The following CDK12 variants were observed in gnomAD, a reference collection of about 807,000 sequenced individuals.
CDK12 encodes the protein cyclin dependent kinase 12, also known as cyclin-dependent kinase 12.
CDK12 carries 17 observed loss-of-function variants against 133.8 expected under a neutral mutation model. That is an observed-to-expected ratio of 0.13 (90% CI 0.09 to 0.19). The LOEUF (loss-of-function observed/expected upper bound fraction) is 0.19. Ranked by LOEUF, CDK12 falls within the 10% of genes least tolerant of loss-of-function variation. The probability of loss-of-function intolerance (pLI) is 1.00; values close to 1 mark genes in which losing one functional copy is unlikely to be tolerated. For missense variants in CDK12, 1,508 were observed against 1,818.7 expected, an observed-to-expected ratio of 0.83 and a Z score of 3.11; for synonymous variants, 694 against 683.6, an observed-to-expected ratio of 1.02 and a Z score of -0.24.
rs1243879998 is a variant in CDK12, at chr17:39,490,598, A to G, written c.1973A>G (p.Lys658Arg). The change falls in exon 3 of 14, where the codon AAG becomes AGG. Residue 658 changes from lysine (K) to arginine (R), a missense_variant. Lys to Arg is a conservative substitution (Grantham distance 26, BLOSUM62 2). This residue lies in a region of CDK12 where 347 missense variants were observed against 330.8 expected (regional missense o/e 1.05). Transcript: ENST00000447079. ...TLPSKPVKKEKEQRTRHLLTD... is the reference protein window; with the variant it reads ...TLPSKPVKKEREQRTRHLLTD... ...CCTTCAAAACCTGTGAAGAAAGAGA[A>G]GGAACAGAGGACACGTCACTTACTC... The G allele has an allele frequency of 1.9e-6, 3 of 1,613,430 alleles. No homozygotes were observed. The highest frequency in any genetic ancestry group is 1.7e-6 in the Non-Finnish European group (2 of 1,179,578).
At chr17:39,522,685 C>T (rs547845083) in intron 11 of CDK12, among the ~76,000 whole-genome samples, 1 of 152,252 alleles carries the variant, frequency 6.6e-6, no homozygotes, top group Non-Finnish European at 1.5e-5. Context: ...TCGCCTGCCT[C>T]GTCCTCCCAA....
downstream of CDK12, among the ~76,000 whole-genome samples, chr17:39,538,328 G>C (rs999868583): frequency 6.6e-6 from 1 of 152,200 alleles, no homozygotes; most frequent in Non-Finnish European, 1.5e-5. Flanking sequence ...AGATCCAAAT[G>C]ATGGCAGTGC....
chr17:39,564,268 G>A (rs1025027046), intron 3 of CDK12, among the ~76,000 whole-genome samples: 2 of 152,178 alleles, frequency 1.3e-5, no homozygotes, highest in African/African-American at 4.8e-5. Flanking sequence ...CAAATCAGAA[G>A]TTGAGGGTCA....
At position 39,471,277 on chromosome 17, in the gene CDK12, A is replaced by G. The variant is rs748777053; in HGVS notation, c.1445A>G (p.Lys482Arg). ...VKNSSDTGKV[K>R]LDENSEKHLV... ...AATTCTTCAGATACAGGGAAAGTAA[A>G]GTTGGATGAGAACTCCGAGAAGCAT... Residue 482 changes from lysine to arginine, a missense_variant, in exon 2 of 14, where the codon AAG becomes AGG. Coordinates refer to ENST00000447079, the MANE Select transcript of CDK12 (RefSeq NM_016507.4). The G allele has an allele frequency of 6.2e-7, 1 of 1,613,078 alleles. No individual in the cohort carries two copies. The highest frequency in any genetic ancestry group is 1.7e-5 in the Admixed American group (1 of 59,664).
chr17:39,548,127 G>T (rs2055801076), upstream of CDK12, among the ~76,000 whole-genome samples: 1 of 152,160 alleles, frequency 6.6e-6, no homozygotes, highest in Admixed American at 6.5e-5. Flanking sequence ...TAAAACTCAT[G>T]CCCCTTAGCA....
At chr17:39,565,104 C>A (rs938070645), downstream of CDK12, among the ~76,000 whole-genome samples, 18 of 152,060 alleles carry the variant, frequency 1.2e-4, no homozygotes, top group South Asian at 2.1e-4. Flanking sequence ...TCTCATATTT[C>A]TTTTGTTTGT....
At chr17:39,529,762 G>GTATGAA (rs1365062683) in intron 13 of CDK12, 3 of 152,166 alleles carry the variant, frequency 2.0e-5, no homozygotes, top group African/African-American at 7.2e-5. Context: ...ACAGAGTATA[G>GTATGAA]TATGAATTTA....
rs1004103781 is a variant in CDK12 at position 39,534,235 on chromosome 17, T to G, written c.*2919T>G. On this transcript the variant is annotated 3_prime_UTR_variant, in exon 14 of 14. Coordinates refer to ENST00000447079, the MANE Select transcript of CDK12 (RefSeq NM_016507.4). ...ACAAATTTGCAAGTAGAACTTCTAT[T>G]AGCTTATGCCATAGACATCACCCAA... is the stretch of plus-strand genomic sequence containing the variant. 9 of 232,974 alleles carry G rather than the reference T, an allele frequency of 3.9e-5. No homozygotes were observed. In the Admixed American group the frequency reaches 4.5e-4, roughly 12 times the overall value. 14.4% of individuals were successfully genotyped at this position (232,974 alleles called of 1,614,324 possible).
chr17:39,509,791 A>G (rs761636617), intron 7 of CDK12, 30 bp downstream of exon 7: 19 of 1,536,262 alleles, frequency 1.2e-5, no homozygotes, highest in Non-Finnish European at 1.7e-5. Flanking sequence ...TACATGTGGG[A>G]AATAAGGTTT....
chr17:39,512,554 T>C (rs903510700), intron 8 of CDK12, among the ~76,000 whole-genome samples: 2 of 152,220 alleles, frequency 1.3e-5, no homozygotes, highest in African/African-American at 4.8e-5. Context: ...CAGTTCTAAA[T>C]GAGCAGATTT....
chr17:39,495,237 C>G (rs1052789298), intron 5 of CDK12, among the ~76,000 whole-genome samples: 1 of 151,802 alleles, frequency 6.6e-6, no homozygotes, highest in Non-Finnish European at 1.5e-5. Flanking sequence ...GCCATCATTC[C>G]GGGCTTATTT....
In CDK12 at chr17:39,471,666, C is replaced by G; in HGVS notation, c.1834C>G (p.Gln612Glu). 1.2e-6 allele frequency: 2 copies of G among 1,614,084 alleles called. No individual in the cohort carries two copies. The highest frequency in any genetic ancestry group is 1.7e-6 in the Non-Finnish European group (2 of 1,179,940). Reference sequence around the variant, plus strand: ...CCCTGTACAGGTTTCTGTGAAGACTCAAGTATCTGTAACAGCTGCTATTCC... The same window carrying G: ...CCCTGTACAGGTTTCTGTGAAGACTGAAGTATCTGTAACAGCTGCTATTCC... ...QPPVQVSVKTQVSVTAAIPHL... is the reference protein window; with the variant it reads ...QPPVQVSVKTEVSVTAAIPHL... The change falls in exon 2 of 14, where the codon CAA (glutamine) becomes GAA (glutamate). Residue 612 changes from glutamine to glutamate, a missense_variant. Coordinates refer to ENST00000447079, the MANE Select transcript of CDK12 (RefSeq NM_016507.4).
intron 4 of CDK12, 45 bp downstream of exon 4, chr17:39,492,935 T>C (rs778847723): frequency 2.0e-6 from 3 of 1,486,516 alleles, no homozygotes; most frequent in East Asian, 2.3e-5. Context: ...GTTAACAATT[T>C]AGCAATACTA....
rs942526469 is a variant in CDK12 at position 39,532,672 on chromosome 17, C to A, written c.*1356C>A. The A allele has an allele frequency of 4.3e-6, 1 of 232,680 alleles. No homozygotes were observed. Among genetic ancestry groups the A allele is most frequent in the African/African-American group, 2.2e-5 (1 of 45,306 alleles). 14.4% of individuals were successfully genotyped at this position (232,680 alleles called of 1,614,324 possible). On this transcript the variant is annotated 3_prime_UTR_variant, in exon 14 of 14. Coordinates refer to ENST00000447079, the MANE Select transcript of CDK12 (RefSeq NM_016507.4). ...ATACCCACATCCCAGCATGTGTACCCTGCCAGTTCTTTTAGGGATTTTTCC... is the reference window on the plus strand; with the variant it reads ...ATACCCACATCCCAGCATGTGTACCATGCCAGTTCTTTTAGGGATTTTTCC...
In CDK12 at chr17:39,493,009, G is replaced by GT. The variant is rs147135481; in HGVS notation, c.2248+125dup. On this transcript the variant is annotated intron_variant, in intron 4 of 13. Coordinates refer to ENST00000447079, the MANE Select transcript of CDK12 (RefSeq NM_016507.4). The stretch of plus-strand genomic sequence containing the variant: ...GTTTTGTTTGTTTGTTTGTTTGTTT[G>GT]TTTTTTGAGATGGAGTCTTGCTCCC... 5,916 of 890,164 alleles carry GT rather than the reference G, an allele frequency of 6.6e-3. 222 individuals are homozygous for GT. The African/African-American group carries it at 0.088, about 13-fold the overall frequency. The allele number at this position is 890,164 out of a possible 1,614,324, so 55.1% of individuals were successfully genotyped here. A position where few individuals can be genotyped will look rare whatever the true frequency, so the allele number is the denominator to read the frequency against.
At chr17:39,481,177 C>T (rs947226643) in intron 2 of CDK12, among the ~76,000 whole-genome samples, 4 of 149,450 alleles carry the variant, frequency 2.7e-5, no homozygotes, top group African/African-American at 7.4e-5. Flanking sequence ...CCCTTGAACT[C>T]GGGGGGCGGA....
intron 3 of CDK12, among the ~76,000 whole-genome samples, chr17:39,562,902 C>CTT (rs59852699): frequency 6.1e-4 from 56 of 92,372 alleles, no homozygotes; most frequent in Non-Finnish European, 9.0e-4. Flanking sequence ...TTTTTCTTTT[C>CTT]TTTTTTTTTT....
intron 11 of CDK12, among the ~76,000 whole-genome samples, chr17:39,520,691 T>TTTG (rs35166716): frequency 0.62 from 93,242 of 150,032 alleles, 31,610 homozygotes; most frequent in South Asian, 0.88. Flanking sequence ...CCAGCGTGTT[T>TTTG]TTGTTGTTGT....
intron 11 of CDK12, among the ~76,000 whole-genome samples, chr17:39,520,691 T>TTTGTTGTTGTTGTTGTTG (rs35166716): frequency 2.0e-5 from 3 of 150,016 alleles, no homozygotes; most frequent in African/African-American, 7.3e-5. Context: ...CCAGCGTGTT[T>TTTGTTGTTGTTGTTGTTG]TTGTTGTTGT....
Sources: allele counts gnomAD v4.1 joint callset (sites outside exome capture counted in the v4.1 genomes callset), GRCh38; gene constraint gnomAD v4.1.1; regional missense constraint gnomAD v4.1.1; transcripts MANE v1.5; gene names NCBI Gene and HGNC (gene_info 2026-07-23, HGNC 2026-07-21).